The following SMARCC1 variants were observed in gnomAD, a reference collection of about 807,000 sequenced individuals.
SMARCC1 encodes SWI/SNF related BAF chromatin remodeling complex subunit C1.
A neutral mutation model predicts 147.4 loss-of-function variants in SMARCC1; 43 were observed. That is an observed-to-expected ratio of 0.29 (90% CI 0.23 to 0.38). The LOEUF is 0.38. Among genes scored for constraint, SMARCC1 ranks in the 10% least tolerant of loss-of-function variants. SMARCC1 has a pLI of 1.00. For missense variants in SMARCC1, 1,119 were observed against 1,381.1 expected (o/e 0.81, Z 3.01); for synonymous variants, 495 against 484.4 (o/e 1.02, Z -0.29).
At chr3:47,680,085 G>A (rs1214370702) in intron 15 of SMARCC1, 1 of 197,888 alleles carries the variant, frequency 5.1e-6, no homozygotes, top group Non-Finnish European at 1.0e-5. Flanking sequence ...GCCAAGTGTG[G>A]TGACATGTGC....
At chr3:47,755,686 G>A (rs1456256274) in intron 2 of SMARCC1, among the ~76,000 whole-genome samples, 1 of 149,034 alleles carries the variant, frequency 6.7e-6, no homozygotes, top group Admixed American at 6.7e-5. Context: ...GTTAAACTCC[G>A]TCTCTACTAA....
chr3:47,706,728 T>C (rs2033999363), intron 9 of SMARCC1, among the ~76,000 whole-genome samples, 198 bp from the exon 10 acceptor site: 1 of 152,216 alleles, frequency 6.6e-6, no homozygotes, highest in Non-Finnish European at 1.5e-5. Context: ...ATATATATCA[T>C]CAATGGAAAT....
At chr3:47,643,861 A>G (rs901203531) in intron 21 of SMARCC1, among the ~76,000 whole-genome samples, 3 of 152,196 alleles carry the variant, frequency 2.0e-5, no homozygotes, top group African/African-American at 7.2e-5. Flanking sequence ...AGAGAGCGGA[A>G]CAAAAAACTA....
Position 47,772,891 on chromosome 3 carries a change from C to A in SMARCC1, c.241G>T (p.Val81Leu). The change falls in exon 2 of 28, where the codon GTG becomes TTG. Residue 81 changes from valine to leucine, a missense_variant. Physicochemically the swap from Val to Leu is conservative, Grantham distance 32. Around this residue, in one of 6 missense-constraint regions of SMARCC1, gnomAD observed 542 missense variants for 611.8 expected, o/e 0.89. Transcript: ENST00000254480. ...APTNKTLAGLVVQLLQFQEDA... is the reference protein window; with the variant it reads ...APTNKTLAGLLVQLLQFQEDA... ...TCCTGGAACTGAAGAAGCTGCACCA[C>A]CAGCCCAGCCAGTGTTTTATTGGTA... 5 of 1,613,492 alleles carry A rather than the reference C, an allele frequency of 3.1e-6. No homozygotes were observed. The highest frequency in any genetic ancestry group is 4.2e-6 in the Non-Finnish European group (5 of 1,179,610).
Position 47,686,190 on chromosome 3 carries a change from G to T in SMARCC1, c.1264-20C>A, listed in dbSNP as rs772144030. On this transcript the variant is annotated intron_variant, in intron 13 of 27. Coordinates refer to ENST00000254480, the MANE Select transcript of SMARCC1 (RefSeq NM_003074.4). ...ATCTTCCTATAGAAAAGAAGACAAAGTTCAAAGAAAGAAAGAACTACAGAG... is the reference window on the plus strand; with the variant it reads ...ATCTTCCTATAGAAAAGAAGACAAATTTCAAAGAAAGAAAGAACTACAGAG... The T allele has an allele frequency of 6.2e-7, 1 of 1,602,042 alleles. No homozygotes were observed. Among genetic ancestry groups the T allele is most frequent in the South Asian group, 1.1e-5 (1 of 90,540 alleles).
chr3:47,693,363 A>T (rs1162007377), intron 11 of SMARCC1, 63 bp from the exon 12 acceptor site: 1 of 931,234 alleles, frequency 1.1e-6, no homozygotes, highest in East Asian at 2.4e-5. Flanking sequence ...TTTAGAAAGA[A>T]AACAGAATAG....
At chr3:47,712,265 TAAA>T (rs2034092998) in intron 8 of SMARCC1, among the ~76,000 whole-genome samples, 2 of 150,642 alleles carry the variant, frequency 1.3e-5, no homozygotes, top group Non-Finnish European at 3.0e-5. Flanking sequence ...ACTAAATAAA[TAAA>T]TAGAGTATAT....
intron 25 of SMARCC1, among the ~76,000 whole-genome samples, chr3:47,615,670 ATTTC>A (rs1559626242): frequency 1.3e-5 from 2 of 151,568 alleles, no homozygotes; most frequent in South Asian, 2.1e-4. Context: ...AAGGTACACA[ATTTC>A]TTTCTTTTCT....
chr3:47,684,109 G>A (rs1242236078), intron 14 of SMARCC1, among the ~76,000 whole-genome samples: 2 of 151,396 alleles, frequency 1.3e-5, no homozygotes, highest in Admixed American at 6.6e-5. Flanking sequence ...GCGTAGTGGC[G>A]GGCGCCTGTA....
chr3:47,585,604 C>T lies in SMARCC1; in HGVS notation c.*2605G>A, dbSNP rs1156980645. 5.3e-5 allele frequency: 8 copies of T among 152,218 alleles called. No homozygotes were observed. The highest frequency in any genetic ancestry group is 5.2e-4 in the Admixed American group (8 of 15,292). The allele number at this position is 152,218 out of a possible 1,614,324, so 9.4% of individuals were successfully genotyped here. Reference sequence around the variant, plus strand: ...TAAACTGCATCCTGACAAACATTATCCCATTCACCAAGCAAAGCTATTTCT... The same window carrying T: ...TAAACTGCATCCTGACAAACATTATTCCATTCACCAAGCAAAGCTATTTCT... On this transcript the variant is annotated 3_prime_UTR_variant, in exon 28 of 28. Coordinates refer to ENST00000254480, the MANE Select transcript of SMARCC1 (RefSeq NM_003074.4).
In SMARCC1 at chr3:47,685,037, G is replaced by A. The variant is rs567688367; in HGVS notation, c.1385+1012C>T. Among the ~76,000 whole-genome samples the A allele has an allele frequency of 7.1e-4, 108 of 152,112 alleles. 1 individual carries two copies. Among genetic ancestry groups the A allele is most frequent in the African/African-American group, 2.2e-3 (93 of 41,506 alleles). On this transcript the variant is annotated intron_variant, in intron 14 of 27. Transcript: ENST00000254480. ...CTCAGCACACAATTCTTTTTAAGTC[G>A]GAAACATTCACCTTTTCACTTAAAG... is the stretch of plus-strand genomic sequence containing the variant.
chr3:47,779,594 G>A (rs1204004621), intron 1 of SMARCC1, among the ~76,000 whole-genome samples: 3 of 152,154 alleles, frequency 2.0e-5, no homozygotes, highest in South Asian at 2.1e-4. Flanking sequence ...ATCAACATTA[G>A]CCTAGTGGTC....
In SMARCC1 at chr3:47,588,172, A is replaced by G. The variant is rs374076665; in HGVS notation, c.*37T>C. 2 of 1,484,186 alleles carry G rather than the reference A, an allele frequency of 1.3e-6. No homozygotes were observed. Among genetic ancestry groups the G allele is most frequent in the African/African-American group, 2.8e-5 (2 of 71,886 alleles). 91.9% of individuals were successfully genotyped at this position (1,484,186 alleles called of 1,614,324 possible). A position where few individuals can be genotyped will look rare whatever the true frequency, so the allele number is the denominator to read the frequency against. On this transcript the variant is annotated 3_prime_UTR_variant, in exon 28 of 28. Transcript: ENST00000254480. The stretch of plus-strand genomic sequence containing the variant: ...AGTCTTGTCATCCCCACTCCAGCTC[A>G]TGGTGGTGGGCGTGGAGGTTCCCTG...
At chr3:47,728,627 C>G (rs1461377700) in intron 6 of SMARCC1, among the ~76,000 whole-genome samples, 1 of 152,114 alleles carries the variant, frequency 6.6e-6, no homozygotes, top group African/African-American at 2.4e-5. Context: ...TTAATGTTGG[C>G]TGGGCGCAGT....
chr3:47,689,089 G>A (rs543185516), intron 13 of SMARCC1, among the ~76,000 whole-genome samples: 2 of 152,152 alleles, frequency 1.3e-5, no homozygotes, highest in Admixed American at 6.5e-5. Flanking sequence ...CACACAAGTA[G>A]TCTCAGCTAC....
At chr3:47,664,415 T>A (rs1359342801) in intron 19 of SMARCC1, among the ~76,000 whole-genome samples, 3 of 152,172 alleles carry the variant, frequency 2.0e-5, no homozygotes, top group Non-Finnish European at 4.4e-5. Context: ...AAACTCCAAG[T>A]AGGCTTCTTT....
chr3:47,724,652 A>C (rs1289007574), intron 6 of SMARCC1, among the ~76,000 whole-genome samples: 1 of 152,186 alleles, frequency 6.6e-6, no homozygotes, highest in Admixed American at 6.5e-5. Context: ...TATTCTTCCA[A>C]TGTGGCCCAG....
chr3:47,712,652 G>A (rs56843763), intron 8 of SMARCC1, among the ~76,000 whole-genome samples: 1,904 of 150,788 alleles, frequency 0.013, 44 homozygotes, highest in African/African-American at 0.043. Context: ...TGGGCAAACA[G>A]TTTTAGTAAG....
At position 47,587,796 on chromosome 3, in the gene SMARCC1, A is replaced by G. The variant is rs1206805919; in HGVS notation, c.*413T>C. ...TAGGATGCTCTCCTTTAAAACAATA[A>G]TAACAGAAAGATAAAAAGATAATGA... On this transcript the variant is annotated 3_prime_UTR_variant, in exon 28 of 28. Coordinates refer to ENST00000254480, the MANE Select transcript of SMARCC1 (RefSeq NM_003074.4). 1 of 162,132 alleles carries G rather than the reference A, an allele frequency of 6.2e-6. No homozygotes were observed. Among genetic ancestry groups the G allele is most frequent in the East Asian group, 1.9e-4 (1 of 5,364 alleles). The allele number at this position is 162,132 out of a possible 1,614,324, so 10.0% of individuals were successfully genotyped here.
Sources: gnomAD v4.1 joint callset for allele counts (sites outside exome capture counted in the v4.1 genomes callset) on GRCh38, gnomAD v4.1.1 for gene constraint, gnomAD v4.1.1 regional missense constraint, MANE v1.5 for transcripts, NCBI Gene and HGNC (gene_info 2026-07-23, HGNC 2026-07-21) for gene names.